SMG1: variants seen among roughly 807,000 people sequenced by gnomAD.
The protein encoded by SMG1 is serine/threonine-protein kinase SMG1.
SMG1 carries 22 observed loss-of-function variants against 419.9 expected under a neutral mutation model. The ratio of observed to expected loss-of-function variants is 0.05; its 90% CI spans 0.04 to 0.07. The LOEUF (loss-of-function observed/expected upper bound fraction) is 0.07. Ranked by LOEUF, SMG1 falls within the 10% of genes least tolerant of loss-of-function variation. The pLI is 1.00. For missense variants in SMG1, 3,185 were observed against 4,342.0 expected (o/e 0.73, Z 7.49); for synonymous variants, 1,538 against 1,553.5 (o/e 0.99, Z 0.23).
At chr16:18,845,697 A>T in intron 38 of SMG1, 46 bp from the exon 39 acceptor site, 2 of 1,413,036 alleles carry the variant, frequency 1.4e-6, no homozygotes, top group Non-Finnish European at 2.0e-6. Flanking sequence ...TGTGTACATT[A>T]AAGTTTTACA....
Position 18,830,124 on chromosome 16 carries a change from A to G in SMG1, c.8944-9T>C, listed in dbSNP as rs1246987428. 13 of 1,600,506 alleles carry G rather than the reference A, an allele frequency of 8.1e-6. No homozygotes were observed. In the African/African-American group the frequency reaches 1.3e-4, roughly 17 times the overall value. ...ATTTCCATCTTGTTCAACTATGTAA[A>G]TGAAAGAAAACAAAGTTCATTTCTC... On this transcript the variant is annotated splice_polypyrimidine_tract_variant and intron_variant, in intron 52 of 62. Transcript: ENST00000446231.
rs1270637858 is a variant in SMG1, at chr16:18,890,868, A to C, written c.603T>G (p.Asn201Lys). The change falls in exon 5 of 63, where the codon AAT becomes AAG. Residue 201 changes from asparagine (N) to lysine (K), a missense_variant. Coordinates refer to ENST00000446231, the MANE Select transcript of SMG1 (RefSeq NM_015092.5). ...AACCATTATTAGTTACTTACCTTTCATTAAGCACGTCATGTACAGCAGCCA... is the reference window on the plus strand; with the variant it reads ...AACCATTATTAGTTACTTACCTTTCCTTAAGCACGTCATGTACAGCAGCCA... ...NILAAVHDVL[N>K]ESSKLLQELR... 3.8e-6 allele frequency: 6 copies of C among 1,569,662 alleles called. No homozygotes were observed. The highest frequency in any genetic ancestry group is 2.7e-5 in the African/African-American group (2 of 73,894).
intron 1 of SMG1, among the ~76,000 whole-genome samples, chr16:18,901,321 T>G (rs1385166327): frequency 2.0e-5 from 3 of 152,156 alleles, no homozygotes; most frequent in Non-Finnish European, 2.9e-5. Context: ...CCTCATGGGT[T>G]CAGCCTCTCA....
At chr16:18,840,098 G>GCTAA (rs1446303053) in intron 41 of SMG1, among the ~76,000 whole-genome samples, 152 bp from the exon 42 acceptor site, 2 of 152,076 alleles carry the variant, frequency 1.3e-5, no homozygotes, top group Non-Finnish European at 2.9e-5. Context: ...ATACAAAATA[G>GCTAA]CTAATTATTC....
At chr16:18,883,689 CGGGT>C (rs2036498765) in intron 9 of SMG1, among the ~76,000 whole-genome samples, 3 of 152,094 alleles carry the variant, frequency 2.0e-5, no homozygotes, top group Admixed American at 2.0e-4. Context: ...GAGGCCGATG[CGGGT>C]GGATCACCTG....
intron 1 of SMG1, chr16:18,911,214 T>C (rs1438354463): frequency 6.6e-6 from 1 of 152,090 alleles, no homozygotes; most frequent in Non-Finnish European, 1.5e-5. Flanking sequence ...CTAGAAAATG[T>C]AGAAGGAGGG....
At chr16:18,916,585 AATTT>A (rs2037992081) in intron 1 of SMG1, among the ~76,000 whole-genome samples, 1 of 151,610 alleles carries the variant, frequency 6.6e-6, no homozygotes, top group African/African-American at 2.4e-5. Context: ...ACTCCACAAG[AATTT>A]AGTAAGTTAT....
intron 1 of SMG1, among the ~76,000 whole-genome samples, chr16:18,923,735 A>C (rs954553338): frequency 1.2e-4 from 18 of 152,214 alleles, no homozygotes; most frequent in African/African-American, 3.9e-4. Context: ...AAAATTATTC[A>C]GATGAACCAT....
chr16:18,876,005 G>A, intron 13 of SMG1, 119 bp downstream of exon 13: 1 of 1,056,822 alleles, frequency 9.5e-7, no homozygotes, highest in Non-Finnish European at 1.4e-6. Flanking sequence ...CTTAAATATG[G>A]CTGTTTGTTA....
Position 18,833,158 on chromosome 16 carries a change from A to G in SMG1, c.8574T>C (p.Asn2858=), listed in dbSNP as rs2033321771. The change falls in exon 51 of 63, where the codon AAT becomes AAC. Residue 2858 remains asparagine (N), a synonymous_variant. Coordinates refer to ENST00000446231, the MANE Select transcript of SMG1 (RefSeq NM_015092.5). ...GAAATATGATTTGCCGGAAATTCGA[A>G]TTCAATTCCTATAAATATATGAGAA... ...NGVYTSLQEL[N]SNFRQIIFPE... 1 of 1,613,574 alleles carries G rather than the reference A, an allele frequency of 6.2e-7. No homozygotes were observed. Among genetic ancestry groups the G allele is most frequent in the African/African-American group, 1.3e-5 (1 of 75,052 alleles).
At chr16:18,833,514 T>C (rs1468592175) in intron 50 of SMG1, among the ~76,000 whole-genome samples, 1 of 152,186 alleles carries the variant, frequency 6.6e-6, no homozygotes, top group Non-Finnish European at 1.5e-5. Flanking sequence ...GTAGTGATAT[T>C]AGCATTGTTA....
intron 51 of SMG1, among the ~76,000 whole-genome samples, chr16:18,831,192 T>TCA (rs1055135288): frequency 4.6e-5 from 7 of 151,860 alleles, no homozygotes; most frequent in Admixed American, 1.3e-4. Flanking sequence ...CTATTTCTTA[T>TCA]CACACACACA....
Position 18,871,453 on chromosome 16 carries a change from G to A in SMG1, c.2213C>T (p.Ala738Val), listed in dbSNP as rs1266480102. Reference sequence around the variant, plus strand: ...TTCAGACTTCTTCATTAAAACAGCTGCTTCCAAAGCCCAAGTCATTAACAG... The same window carrying A: ...TTCAGACTTCTTCATTAAAACAGCTACTTCCAAAGCCCAAGTCATTAACAG... ...RKLLMTWALEAAVLMKKSETY... is the reference protein window; with the variant it reads ...RKLLMTWALEVAVLMKKSETY... Residue 738 changes from alanine (A) to valine (V), a missense_variant, in exon 16 of 63, where the codon GCA becomes GTA. Physicochemically the swap from Ala to Val is moderately conservative, Grantham distance 64. Around this residue, in one of 27 missense-constraint regions of SMG1, gnomAD observed 297 missense variants for 491.0 expected, o/e 0.60. Transcript: ENST00000446231. The A allele has an allele frequency of 1.3e-6, 2 of 1,597,886 alleles. No individual in the cohort carries two copies. The highest frequency in any genetic ancestry group is 2.3e-5 in the East Asian group (1 of 44,408).
At chr16:18,908,184 G>A (rs1208952334) in intron 1 of SMG1, among the ~76,000 whole-genome samples, 2 of 151,854 alleles carry the variant, frequency 1.3e-5, no homozygotes, top group Non-Finnish European at 2.9e-5. Flanking sequence ...TGGCCAACAT[G>A]GTGAAACCCA....
chr16:18,864,413 G>A (rs2035386748), intron 23 of SMG1, among the ~76,000 whole-genome samples: 1 of 152,010 alleles, frequency 6.6e-6, no homozygotes. Flanking sequence ...GGCCAGGCTG[G>A]TCTTGAACTC....
At chr16:18,920,382 CAA>C (rs67904345) in intron 1 of SMG1, among the ~76,000 whole-genome samples, 81 of 100,760 alleles carry the variant, frequency 8.0e-4, no homozygotes, top group Non-Finnish European at 9.7e-4. Context: ...AACTCCGTCT[CAA>C]AAAAAAAAAA....
intron 62 of SMG1, among the ~76,000 whole-genome samples, chr16:18,810,042 G>C (rs557220957): frequency 6.6e-6 from 1 of 151,440 alleles, no homozygotes; most frequent in Non-Finnish European, 1.5e-5. Context: ...GAATATAATA[G>C]TGTTTAAAAG....
intron 1 of SMG1, chr16:18,899,943 C>T: frequency 1.0e-6 from 1 of 985,512 alleles, no homozygotes; most frequent in Non-Finnish European, 1.6e-6. Context: ...AAGTTAAAGC[C>T]TGATGTACAT....
intron 10 of SMG1, among the ~76,000 whole-genome samples, chr16:18,881,876 A>G (rs903248507): frequency 3.3e-5 from 5 of 152,150 alleles, no homozygotes; most frequent in African/African-American, 4.8e-5. Flanking sequence ...TTAAAAGTAA[A>G]ATTATAATAA....
Sources: gnomAD v4.1 joint callset for allele counts (sites outside exome capture counted in the v4.1 genomes callset) on GRCh38, gnomAD v4.1.1 for gene constraint, gnomAD v4.1.1 regional missense constraint, MANE v1.5 for transcripts, NCBI Gene and HGNC (gene_info 2026-07-23, HGNC 2026-07-21) for gene names.